Variants in HPS4 observed in about 807,000 individuals in gnomAD.
HPS4 encodes HPS4 biogenesis of lysosomal organelles complex 3 subunit 2, also known as BLOC-3 complex member HPS4.
Under a neutral mutation model 70.3 loss-of-function variants are expected in HPS4, and 44 were observed. The observed-to-expected ratio is 0.63, with a 90% confidence interval of 0.49 to 0.80. The LOEUF (loss-of-function observed/expected upper bound fraction) is 0.80, where lower values mean the gene tolerates loss of function less well. HPS4 is among the 30% of genes least tolerant of loss of function. The pLI, the probability that HPS4 is intolerant of heterozygous loss-of-function variation, is 0.00. For synonymous variants in HPS4, 377 were observed against 355.9 expected (o/e 1.06, Z -0.67); for missense variants, 873 against 884.4 (o/e 0.99, Z 0.16).
chr22:26,483,429 C>T (rs939439832), intron 1 of HPS4, among the ~76,000 whole-genome samples: 4 of 152,182 alleles, frequency 2.6e-5, no homozygotes. Flanking sequence ...GAAGGGGCCT[C>T]AGTGGGGCAG....
rs745384564 is a variant in HPS4 at position 26,464,636 on chromosome 22, C to A, written c.994G>T (p.Asp332Tyr). 14 of 1,613,740 alleles carry A rather than the reference C, an allele frequency of 8.7e-6. No individual in the cohort carries two copies. The Admixed American group carries it at 1.5e-4, about 17-fold the overall frequency. ...CCTGCGGGCCTGATGCTCTCCAGAT[C>A]ATGGCCAGACAAGCATCCGTTCTCC... ...RKENGCLSGH[D>Y]LESIRPAGLH... is the part of the protein sequence containing the mutation. The change falls in exon 11 of 14, where the codon GAT becomes TAT. Residue 332 changes from aspartate to tyrosine, a missense_variant. Physicochemically the swap from Asp to Tyr is radical, Grantham distance 160 (BLOSUM62 -3). Coordinates refer to ENST00000398145, the MANE Select transcript of HPS4 (RefSeq NM_022081.6).
chr22:26,460,491 C>T (rs1402972247), intron 11 of HPS4, among the ~76,000 whole-genome samples: 1 of 152,256 alleles, frequency 6.6e-6, no homozygotes, highest in Middle Eastern at 3.2e-3. Flanking sequence ...ACAGTCATCC[C>T]TTCCATGCTG....
At chr22:26,466,174 T>A in intron 9 of HPS4, 52 bp downstream of exon 9, 1 of 1,612,280 alleles carries the variant, frequency 6.2e-7, no homozygotes, top group Non-Finnish European at 8.5e-7. Flanking sequence ...CAGGGGTAGG[T>A]AGCATAAAAG....
At position 26,469,048 on chromosome 22, in the gene HPS4, T is replaced by C. The variant is rs557973732; in HGVS notation, c.597-425A>G. Among the ~76,000 whole-genome samples, 7 of 152,138 alleles carry C rather than the reference T, an allele frequency of 4.6e-5. No homozygotes were observed. In the South Asian group the frequency reaches 6.2e-4, roughly 14 times the overall value. ...AACCATGTGATCCTATTTAAGGAGA[T>C]AGCAAAAATAAACAAAAGCAATATA... On this transcript the variant is annotated intron_variant, in intron 7 of 13. Coordinates refer to ENST00000398145, the MANE Select transcript of HPS4 (RefSeq NM_022081.6).
chr22:26,453,164 C>G lies in HPS4; in HGVS notation c.*69G>C. ...TTCAAGAAAAATAAAATAGAGGGGC[C>G]TTTTCAATTATAAAAGGCAGAGCTT... On this transcript the variant is annotated 3_prime_UTR_variant, in exon 14 of 14. Coordinates refer to ENST00000398145, the MANE Select transcript of HPS4 (RefSeq NM_022081.6). 1 of 1,480,368 alleles carries G rather than the reference C, an allele frequency of 6.8e-7. No homozygotes were observed. 91.7% of individuals were successfully genotyped at this position (1,480,368 alleles called of 1,614,324 possible). A position where few individuals can be genotyped will look rare whatever the true frequency, so the allele number is the denominator to read the frequency against.
chr22:26,472,571 G>A (rs553535486), intron 5 of HPS4, among the ~76,000 whole-genome samples, 153 bp from the exon 6 acceptor site: 21 of 152,334 alleles, frequency 1.4e-4, no homozygotes, highest in African/African-American at 3.8e-4. Context: ...GATCCACGGC[G>A]CCTGCCGCGT....
chr22:26,474,380 GAA>G (rs58084000), intron 4 of HPS4, among the ~76,000 whole-genome samples: 28 of 145,284 alleles, frequency 1.9e-4, no homozygotes, highest in South Asian at 8.6e-4. Context: ...TATCCAGGTG[GAA>G]AAAAAAAAAA....
At chr22:26,466,471 C>G (rs191511763) in intron 8 of HPS4, 2 of 650,132 alleles carry the variant, frequency 3.1e-6, no homozygotes. Flanking sequence ...AGAACCTGGG[C>G]CCACACAGGC....
chr22:26,449,935 C>G (rs1359712519), downstream of HPS4, among the ~76,000 whole-genome samples: 1 of 152,224 alleles, frequency 6.6e-6, no homozygotes, highest in Admixed American at 6.5e-5. Flanking sequence ...CCTCCGCACA[C>G]TCTAGGGCAG....
downstream of HPS4, among the ~76,000 whole-genome samples, chr22:26,446,044 G>A (rs1014494193): frequency 3.3e-4 from 50 of 152,128 alleles, no homozygotes; most frequent in African/African-American, 1.2e-3. Flanking sequence ...ACCTGGGATC[G>A]CGATGTTTCT....
intron 3 of HPS4, among the ~76,000 whole-genome samples, chr22:26,478,288 T>C (rs1267624401): frequency 6.6e-6 from 1 of 151,908 alleles, no homozygotes; most frequent in African/African-American, 2.4e-5. Flanking sequence ...ATTGGCAAAG[T>C]ATTGCCGGGC....
intron 4 of HPS4, chr22:26,476,228 A>C (rs2090527041): frequency 6.6e-6 from 1 of 152,226 alleles, no homozygotes; most frequent in South Asian, 2.1e-4. Context: ...AATACCTACA[A>C]AGTTGAATAT....
At chr22:26,455,973 G>A (rs1006907028) in intron 13 of HPS4, among the ~76,000 whole-genome samples, 1 of 152,202 alleles carries the variant, frequency 6.6e-6, no homozygotes, top group African/African-American at 2.4e-5. Flanking sequence ...CCAAACCAGT[G>A]ACTGTAGATG....
intron 3 of HPS4, 119 bp from the exon 4 acceptor site, chr22:26,477,255 C>T: frequency 1.0e-6 from 1 of 1,004,610 alleles, no homozygotes; most frequent in Non-Finnish European, 1.6e-6. Flanking sequence ...TTCCTATGGC[C>T]TGTAAGCTAA....
downstream of HPS4, among the ~76,000 whole-genome samples, chr22:26,449,612 C>A (rs1311475106): frequency 1.3e-5 from 2 of 151,480 alleles, no homozygotes. Context: ...ATTATACAGG[C>A]GTCACACCGC....
intron 13 of HPS4, among the ~76,000 whole-genome samples, chr22:26,455,038 T>G (rs970051326): frequency 3.9e-5 from 6 of 152,164 alleles, no homozygotes; most frequent in African/African-American, 1.4e-4. Flanking sequence ...TGAGATACCA[T>G]CTCACATCAG....
intron 3 of HPS4, among the ~76,000 whole-genome samples, chr22:26,478,872 C>T (rs1029506350): frequency 3.9e-5 from 6 of 151,930 alleles, no homozygotes; most frequent in African/African-American, 1.5e-4. Flanking sequence ...TTAGTAGAGA[C>T]AGGGTTTCAT....
intron 13 of HPS4, among the ~76,000 whole-genome samples, chr22:26,454,529 T>C (rs2085745140): frequency 6.6e-6 from 1 of 152,260 alleles, no homozygotes; most frequent in African/African-American, 2.4e-5. Context: ...GCTGTTCATA[T>C]GTAGAAAGCT....
intron 2 of HPS4, 149 bp from the exon 3 acceptor site, chr22:26,479,504 C>G: frequency 6.9e-7 from 1 of 1,457,752 alleles, no homozygotes; most frequent in South Asian, 1.5e-5. Context: ...ACCCCAGTAG[C>G]TACAAATTAG....
Sources: allele counts gnomAD v4.1 joint callset (sites outside exome capture counted in the v4.1 genomes callset), GRCh38; gene constraint gnomAD v4.1.1; transcripts MANE v1.5; gene names NCBI Gene and HGNC (gene_info 2026-07-23, HGNC 2026-07-21).